The following SKAP1 variants were observed in gnomAD, a reference collection of about 807,000 sequenced individuals.
SKAP1 encodes src kinase-associated phosphoprotein 1.
SKAP1 carries 44 observed loss-of-function variants against 58.5 expected under a neutral mutation model. That is an observed-to-expected ratio of 0.75 (90% CI 0.59 to 0.97). The LOEUF is 0.97. Ranked by LOEUF, SKAP1 falls within the 50% of genes least tolerant of loss-of-function variation. The pLI, the probability that SKAP1 is intolerant of heterozygous loss-of-function variation, is 0.00. For synonymous variants in SKAP1, 127 were observed against 149.7 expected (o/e 0.85, Z 1.11); for missense variants, 390 against 435.2 (o/e 0.90, Z 0.92).
intron 3 of SKAP1, among the ~76,000 whole-genome samples, chr17:48,362,347 C>T (rs2066947945): frequency 6.6e-6 from 1 of 152,226 alleles, no homozygotes; most frequent in African/African-American, 2.4e-5. Flanking sequence ...TATACCACAT[C>T]TCTGACACTA....
intron 3 of SKAP1, among the ~76,000 whole-genome samples, chr17:48,352,536 T>C (rs1044871361): frequency 1.3e-5 from 2 of 152,194 alleles, no homozygotes; most frequent in Admixed American, 1.3e-4. Context: ...GGCCACTGTA[T>C]TCTCAGTCCT....
chr17:48,412,727 T>C (rs1368354478), intron 1 of SKAP1, among the ~76,000 whole-genome samples: 1 of 152,208 alleles, frequency 6.6e-6, no homozygotes, highest in Non-Finnish European at 1.5e-5. Context: ...AAATTATAAG[T>C]AAAATAGCCT....
At chr17:48,363,648 A>G in intron 3 of SKAP1, 141 bp downstream of exon 3, 1 of 640,970 alleles carries the variant, frequency 1.6e-6, no homozygotes, top group Non-Finnish European at 2.7e-6. Context: ...AGCAGGGTGA[A>G]GGTTAATTAA....
chr17:48,186,412 G>A (rs181861334), intron 6 of SKAP1, among the ~76,000 whole-genome samples: 1 of 152,174 alleles, frequency 6.6e-6, no homozygotes, highest in East Asian at 1.9e-4. Flanking sequence ...CAATTGCTTG[G>A]GCAAATCTTA....
chr17:48,183,930 G>A (rs1316893752), intron 7 of SKAP1, among the ~76,000 whole-genome samples: 1 of 152,026 alleles, frequency 6.6e-6, no homozygotes, highest in Non-Finnish European at 1.5e-5. Context: ...TTTTTCATAA[G>A]CTAAAGTTTT....
At chr17:48,173,424 A>G (rs1431690786) in intron 9 of SKAP1, among the ~76,000 whole-genome samples, 1 of 152,190 alleles carries the variant, frequency 6.6e-6, no homozygotes, top group Non-Finnish European at 1.5e-5. Flanking sequence ...GCTGAAATAA[A>G]CCACATTAAA....
At chr17:48,353,483 T>A (rs1230399110) in intron 3 of SKAP1, among the ~76,000 whole-genome samples, 1 of 152,214 alleles carries the variant, frequency 6.6e-6, no homozygotes, top group African/African-American at 2.4e-5. Context: ...CCTTAGCACT[T>A]ATTTACAATC....
intron 4 of SKAP1, among the ~76,000 whole-genome samples, chr17:48,270,449 T>C (rs376457864): frequency 5.8e-4 from 88 of 152,142 alleles, no homozygotes; most frequent in African/African-American, 1.9e-3. Flanking sequence ...GTTCAAGCGA[T>C]TCTCTTGCTT....
At chr17:48,249,817 T>C (rs146535327) in intron 4 of SKAP1, among the ~76,000 whole-genome samples, 2 of 152,250 alleles carry the variant, frequency 1.3e-5, no homozygotes, top group African/African-American at 4.8e-5. Flanking sequence ...TTAATGCATA[T>C]TGCCTATCTG....
At chr17:48,168,136 C>A (rs2064163068) in intron 10 of SKAP1, among the ~76,000 whole-genome samples, 1 of 151,662 alleles carries the variant, frequency 6.6e-6, no homozygotes, top group Non-Finnish European at 1.5e-5. Context: ...TAAGGATGAA[C>A]CGAATCCCTT....
chr17:48,256,772 G>A (rs949539625), intron 4 of SKAP1, among the ~76,000 whole-genome samples: 16 of 152,026 alleles, frequency 1.1e-4, no homozygotes, highest in African/African-American at 3.9e-4. Context: ...TTGAAGGTAA[G>A]GAAGGAAGAA....
At chr17:48,339,971 G>A (rs1409595938) in intron 4 of SKAP1, among the ~76,000 whole-genome samples, 4 of 151,828 alleles carry the variant, frequency 2.6e-5, no homozygotes, top group Admixed American at 6.6e-5. Flanking sequence ...TCACGAGGTC[G>A]GGAGTTCGAG....
intron 4 of SKAP1, among the ~76,000 whole-genome samples, chr17:48,241,703 T>C (rs1319345190): frequency 1.3e-5 from 2 of 152,208 alleles, no homozygotes; most frequent in South Asian, 2.1e-4. Flanking sequence ...CAACATTCTT[T>C]TCACTATAAA....
At chr17:48,277,274 A>G (rs2065712317) in intron 4 of SKAP1, among the ~76,000 whole-genome samples, 1 of 152,232 alleles carries the variant, frequency 6.6e-6, no homozygotes, top group Non-Finnish European at 1.5e-5. Flanking sequence ...ATTCAGCAGC[A>G]GCTGAGTATT....
chr17:48,330,898 G>A (rs2066497977), intron 4 of SKAP1, among the ~76,000 whole-genome samples: 1 of 152,074 alleles, frequency 6.6e-6, no homozygotes, highest in Non-Finnish European at 1.5e-5. Flanking sequence ...ATTATCCCAT[G>A]GCAAGGATTC....
At chr17:48,171,786 G>C (rs1029523487) in intron 9 of SKAP1, among the ~76,000 whole-genome samples, 5 of 149,242 alleles carry the variant, frequency 3.4e-5, no homozygotes, top group Non-Finnish European at 7.4e-5. Context: ...TGATTGGCTG[G>C]GTGCGGTGGC....
chr17:48,428,967 T>C (rs2067882314), intron 1 of SKAP1, among the ~76,000 whole-genome samples: 1 of 152,152 alleles, frequency 6.6e-6, no homozygotes, highest in Non-Finnish European at 1.5e-5. Flanking sequence ...AGAATGGAAA[T>C]AGTGCTACAG....
At chr17:48,392,525 G>A (rs1264435141) in intron 2 of SKAP1, among the ~76,000 whole-genome samples, 1 of 151,860 alleles carries the variant, frequency 6.6e-6, no homozygotes, top group African/African-American at 2.4e-5. Flanking sequence ...ATCCAAGAAG[G>A]GCCATTGAGA....
At chr17:48,242,054 C>A (rs764217648) in intron 4 of SKAP1, among the ~76,000 whole-genome samples, 5 of 152,160 alleles carry the variant, frequency 3.3e-5, no homozygotes, top group Non-Finnish European at 7.3e-5. Context: ...AGAACTGAGT[C>A]CAACAACACT....
Sources: allele counts gnomAD v4.1 joint callset (sites outside exome capture counted in the v4.1 genomes callset), GRCh38; gene constraint gnomAD v4.1.1; transcripts MANE v1.5; gene names NCBI Gene and HGNC (gene_info 2026-07-23, HGNC 2026-07-21).